DSG1: variants seen among roughly 807,000 people sequenced by gnomAD.
DSG1 encodes desmoglein 1, also known as desmoglein-1.
Under a neutral mutation model 97.5 loss-of-function variants are expected in DSG1, and 39 were observed. That is an observed-to-expected ratio of 0.40 (90% confidence interval 0.31 to 0.52). DSG1 has a LOEUF of 0.52. Among genes scored for constraint, DSG1 ranks in the 20% least tolerant of loss-of-function variants. The pLI is 0.53. For synonymous variants in DSG1, 475 were observed against 443.4 expected, an observed-to-expected ratio of 1.07 and a Z score of -0.90; for missense variants, 1,311 against 1,295.4, an observed-to-expected ratio of 1.01 and a Z score of -0.18.
chr18:31,330,904 G>T (rs1194234348), intron 5 of DSG1, among the ~76,000 whole-genome samples: 1 of 151,966 alleles, frequency 6.6e-6, no homozygotes, highest in Non-Finnish European at 1.5e-5. Context: ...ACATTTTAAA[G>T]GTTATGCTAC....
intron 1 of DSG1, among the ~76,000 whole-genome samples, chr18:31,320,526 C>A (rs573525318): frequency 3.3e-5 from 5 of 152,144 alleles, no homozygotes; most frequent in Non-Finnish European, 7.4e-5. Context: ...TGGGTTGAAT[C>A]AGGGAGAACA....
chr18:31,355,123 G>A lies in DSG1; in HGVS notation c.2927G>A (p.Ser976Asn). The A allele has an allele frequency of 6.2e-7, 1 of 1,613,436 alleles. No homozygotes were observed. Among genetic ancestry groups the A allele is most frequent in the Non-Finnish European group, 8.5e-7 (1 of 1,179,406 alleles). The change falls in exon 15 of 15, where the codon AGC (serine) becomes AAC (asparagine). Residue 976 changes from serine (S) to asparagine (N), a missense_variant. Coordinates refer to ENST00000257192, the MANE Select transcript of DSG1 (RefSeq NM_001942.4). ...GTTGISGGIG[S>N]SGLVGTSMGA... is the part of the protein sequence containing the mutation. ...ACTGGGATCAGCGGTGGCATAGGCAGCAGTGGCCTGGTTGGCACCAGCATG... is the reference window on the plus strand; with the variant it reads ...ACTGGGATCAGCGGTGGCATAGGCAACAGTGGCCTGGTTGGCACCAGCATG...
chr18:31,325,332 T>G (rs1473422896), intron 1 of DSG1, among the ~76,000 whole-genome samples: 2 of 152,180 alleles, frequency 1.3e-5, no homozygotes, highest in Admixed American at 1.3e-4. Context: ...GCACTGGCGC[T>G]CCAATGCAGT....
chr18:31,344,036 T>G (rs1162053537), intron 13 of DSG1, 41 bp downstream of exon 13: 2 of 1,355,956 alleles, frequency 1.5e-6, no homozygotes, highest in Non-Finnish European at 2.1e-6. Context: ...AATGCTTAAG[T>G]AGGAAGTCTA....
At chr18:31,337,391 G>T (rs1177691159) in intron 9 of DSG1, among the ~76,000 whole-genome samples, 1 of 152,040 alleles carries the variant, frequency 6.6e-6, no homozygotes, top group Non-Finnish European at 1.5e-5. Flanking sequence ...CAAGTAGCTG[G>T]GATTACAGGC....
At chr18:31,352,555 T>C (rs2071907761) in intron 14 of DSG1, among the ~76,000 whole-genome samples, 1 of 150,384 alleles carries the variant, frequency 6.6e-6, no homozygotes, top group African/African-American at 2.5e-5. Flanking sequence ...GATAATATCC[T>C]ACAGAGTGTT....
chr18:31,328,236 T>C lies in DSG1; in HGVS notation c.264T>C (p.Ser88=), dbSNP rs776369313. Residue 88 remains serine (S), a synonymous_variant, in exon 4 of 15, where the codon TCT becomes TCC. Transcript: ENST00000257192. ...AANQQVTYRI[S]GVGIDQPPYG... is the part of the protein sequence containing the mutation. ...ACCAGCAAGTTACATACCGCATCTC[T>C]GGAGTAGGAATTGATCAGCCACCAT... 6.2e-7 allele frequency: 1 copy of C among 1,613,636 alleles called. No homozygotes were observed. The highest frequency in any genetic ancestry group is 8.5e-7 in the Non-Finnish European group (1 of 1,179,604).
At chr18:31,319,310 A>G (rs554252264) in intron 1 of DSG1, among the ~76,000 whole-genome samples, 1 of 152,274 alleles carries the variant, frequency 6.6e-6, no homozygotes, top group African/African-American at 2.4e-5. Context: ...TGTGGTTCAC[A>G]TTTGTTTCTA....
chr18:31,344,988 T>C (rs1285775879), intron 13 of DSG1, among the ~76,000 whole-genome samples: 1 of 152,194 alleles, frequency 6.6e-6, no homozygotes, highest in Non-Finnish European at 1.5e-5. Context: ...TCCACCTGAT[T>C]TGTCCATTTT....
intron 11 of DSG1, among the ~76,000 whole-genome samples, chr18:31,343,217 T>A (rs368729990): frequency 3.9e-5 from 6 of 152,246 alleles, no homozygotes; most frequent in African/African-American, 1.4e-4. Flanking sequence ...AGGCCCACTA[T>A]TTGTAATTTT....
At chr18:31,347,598 G>C (rs973232977) in intron 14 of DSG1, 2 of 152,154 alleles carry the variant, frequency 1.3e-5, no homozygotes, top group African/African-American at 4.8e-5. Context: ...AGGTATTTCT[G>C]TTAACCTGAA....
intron 1 of DSG1, among the ~76,000 whole-genome samples, chr18:31,324,291 CTTTT>C (rs79009473): frequency 3.5e-4 from 51 of 147,502 alleles, no homozygotes; most frequent in African/African-American, 7.5e-4. Context: ...CCTCTCCTTC[CTTTT>C]TTTTTTTTTT....
At chr18:31,354,272 T>C (rs2144126211) in intron 14 of DSG1, 25 bp from the exon 15 acceptor site, 1 of 1,601,502 alleles carries the variant, frequency 6.2e-7, no homozygotes. Flanking sequence ...CATAATTTCA[T>C]TTTCTCTTTC....
intron 1 of DSG1, among the ~76,000 whole-genome samples, chr18:31,324,998 G>A (rs966092651): frequency 2.0e-5 from 3 of 152,176 alleles, no homozygotes; most frequent in African/African-American, 4.8e-5. Flanking sequence ...CTAAAGTTCA[G>A]AGAATTGGGG....
Position 31,345,982 on chromosome 18 carries a change from A to T in DSG1, c.1892-8A>T. On this transcript the variant is annotated splice_polypyrimidine_tract_variant and splice_region_variant and intron_variant, in intron 13 of 14. Transcript: ENST00000257192. ...AGAAAATAAATTTAATTTGATCAAC[A>T]CTTTTAGGAGTTTATACAAATGAGT... is the stretch of plus-strand genomic sequence containing the variant. The T allele has an allele frequency of 6.2e-7, 1 of 1,610,514 alleles. No individual in the cohort carries two copies.
At chr18:31,337,188 C>T (rs955768917) in intron 9 of DSG1, among the ~76,000 whole-genome samples, 1 of 152,132 alleles carries the variant, frequency 6.6e-6, no homozygotes, top group Non-Finnish European at 1.5e-5. Context: ...GTGACTGTGA[C>T]AAGAAGAATG....
rs990311209 is a variant in DSG1, at chr18:31,358,931, T to C, written c.*3585T>C. Among the ~76,000 whole-genome samples, 1 of 152,162 alleles carries C rather than the reference T, an allele frequency of 6.6e-6. No homozygotes were observed. Among genetic ancestry groups the C allele is most frequent in the South Asian group, 2.1e-4 (1 of 4,836 alleles). On this transcript the variant is annotated 3_prime_UTR_variant, in exon 15 of 15. Coordinates refer to ENST00000257192, the MANE Select transcript of DSG1 (RefSeq NM_001942.4). ...CTAGATCAACCTGTTTTCCATCAGA[T>C]AATTTTAAAACAATGTGTAATCTTG... is the stretch of plus-strand genomic sequence containing the variant.
chr18:31,331,603 G>A (rs764304325), intron 5 of DSG1, 98 bp from the exon 6 acceptor site: 51 of 1,078,104 alleles, frequency 4.7e-5, no homozygotes, highest in Non-Finnish European at 7.1e-5. Flanking sequence ...CACATCATAA[G>A]GATCAACTAA....
rs2071756065 is a variant in DSG1 at position 31,336,633 on chromosome 18, C to A, written c.1265+20C>A. The A allele has an allele frequency of 1.2e-6, 2 of 1,613,544 alleles. No individual in the cohort carries two copies. The highest frequency in any genetic ancestry group is 8.5e-7 in the Non-Finnish European group (1 of 1,179,612). On this transcript the variant is annotated intron_variant, in intron 9 of 14. Transcript: ENST00000257192. ...TGTTAGGTAAGAATGAGATTTTCAA[C>A]TAATTTTCCTTACATATTGAACTTA...
Sources: allele counts gnomAD v4.1 joint callset (sites outside exome capture counted in the v4.1 genomes callset), GRCh38; gene constraint gnomAD v4.1.1; transcripts MANE v1.5; gene names NCBI Gene and HGNC (gene_info 2026-07-23, HGNC 2026-07-21).